The following NLRC5 variants were observed in gnomAD, a reference collection of about 807,000 sequenced individuals.
NLRC5 encodes NLR family CARD domain containing 5.
In NLRC5, 114 loss-of-function variants were observed where a neutral mutation model predicts 206.9. The ratio of observed to expected loss-of-function variants is 0.55; its 90% confidence interval spans 0.47 to 0.64. NLRC5 has a LOEUF of 0.64. NLRC5 is among the 30% of genes least tolerant of loss of function. The probability of loss-of-function intolerance (pLI) is 0.00; values close to 1 mark genes in which losing one functional copy is unlikely to be tolerated. For missense variants in NLRC5, 2,008 were observed against 2,305.5 expected (o/e 0.87, Z 2.64); for synonymous variants, 952 against 962.8 (o/e 0.99, Z 0.21).
intron 8 of NLRC5, 135 bp from the exon 9 acceptor site, chr16:57,029,638 G>C: frequency 4.3e-6 from 3 of 693,258 alleles, no homozygotes; most frequent in Non-Finnish European, 5.1e-6. Context: ...GGAATCCGGC[G>C]AGCAGGCCAT....
chr16:57,065,223 C>A lies in NLRC5; in HGVS notation c.4166C>A (p.Pro1389Gln), dbSNP rs145136372. Residue 1389 changes from proline to glutamine, a missense_variant, in exon 33 of 49, where the codon CCG becomes CAG. Pro to Gln is a moderately conservative substitution (Grantham distance 76). Transcript: ENST00000688547. ...CCCTTCTGTGACAGGGTGCAGGAGCCGTGGGCGGACAGAGCCAGGGTTCTC... is the reference window on the plus strand; with the variant it reads ...CCCTTCTGTGACAGGGTGCAGGAGCAGTGGGCGGACAGAGCCAGGGTTCTC... ...AGLFSLRVQE[P>Q]WADRARVLSL... is the part of the protein sequence containing the mutation. 1.3e-6 allele frequency: 2 copies of A among 1,559,014 alleles called. No individual in the cohort carries two copies. The highest frequency in any genetic ancestry group is 2.8e-5 in the African/African-American group (2 of 72,534).
intron 6 of NLRC5, 45 bp downstream of exon 6, chr16:57,027,063 G>C (rs369093073): frequency 1.9e-6 from 3 of 1,577,470 alleles, no homozygotes; most frequent in South Asian, 1.2e-5. Flanking sequence ...TGGGCTTTTG[G>C]GGGAGCAGAG....
Position 57,034,328 on chromosome 16 carries a change from T to C in NLRC5, c.2627+77T>C, listed in dbSNP as rs2062245307. The C allele has an allele frequency of 1.4e-5, 10 of 697,834 alleles. No homozygotes were observed. In the South Asian group the frequency reaches 1.5e-4, roughly 10 times the overall value. 43.2% of individuals were successfully genotyped at this position (697,834 alleles called of 1,614,324 possible). A position where few individuals can be genotyped will look rare whatever the true frequency, so the allele number is the denominator to read the frequency against. ...GGGTGGGCAGGGCCTCGCCTTTGGG[T>C]GGGTGGTGTGGGGGAGGGGCATGCT... On this transcript the variant is annotated intron_variant, in intron 13 of 48. Coordinates refer to ENST00000688547, the MANE Select transcript of NLRC5 (RefSeq NM_001384950.1).
chr16:57,015,591 AAAATAAATAAATAAAT>A (rs202245287), intron 1 of NLRC5, among the ~76,000 whole-genome samples: 11 of 138,400 alleles, frequency 7.9e-5, no homozygotes, highest in South Asian at 7.0e-4. Context: ...GTCTCTTAAA[AAAATAAATAAATAAAT>A]AAATAAATAA....
chr16:57,081,216 A>C, intron 47 of NLRC5, 35 bp downstream of exon 47: 1 of 1,527,468 alleles, frequency 6.5e-7, no homozygotes. Flanking sequence ...GGACGGGCTA[A>C]AGGGGGACCT....
At chr16:57,021,309 G>T (rs1429790854) in intron 3 of NLRC5, among the ~76,000 whole-genome samples, 1 of 151,942 alleles carries the variant, frequency 6.6e-6, no homozygotes, top group Non-Finnish European at 1.5e-5. Flanking sequence ...CTTTTTTGGC[G>T]GGGGTGGGGG....
intron 2 of NLRC5, among the ~76,000 whole-genome samples, chr16:57,017,406 T>C (rs2060204809): frequency 6.6e-6 from 1 of 152,214 alleles, no homozygotes; most frequent in Admixed American, 6.5e-5. Context: ...CTACCCATTT[T>C]AGAGATGGTA....
chr16:57,081,194 G>A lies in NLRC5; in HGVS notation c.5405+13G>A, dbSNP rs779280243. On this transcript the variant is annotated intron_variant, in intron 47 of 48. Transcript: ENST00000688547. Reference sequence around the variant, plus strand: ...TGAAGAGAGTGGAGTATGAGGGGCCGGGGGAGGAATGGGACGGGCTAAAGG... The same window carrying A: ...TGAAGAGAGTGGAGTATGAGGGGCCAGGGGAGGAATGGGACGGGCTAAAGG... The A allele has an allele frequency of 1.0e-5, 16 of 1,538,216 alleles. No individual in the cohort carries two copies. The highest frequency in any genetic ancestry group is 2.0e-5 in the Admixed American group (1 of 51,016).
chr16:57,044,145 CAA>C (rs61317543), intron 20 of NLRC5, among the ~76,000 whole-genome samples: 8 of 128,610 alleles, frequency 6.2e-5, no homozygotes, highest in East Asian at 2.2e-4. Flanking sequence ...CTAAAAATAC[CAA>C]AAAAAAAAAA....
At chr16:57,012,099 T>C (rs2059567863) in intron 1 of NLRC5, among the ~76,000 whole-genome samples, 1 of 152,248 alleles carries the variant, frequency 6.6e-6, no homozygotes, top group Non-Finnish European at 1.5e-5. Context: ...ACTTGCTGTT[T>C]CAATAGATTT....
intron 37 of NLRC5, 138 bp from the exon 38 acceptor site, chr16:57,070,397 C>A: frequency 1.5e-6 from 1 of 683,942 alleles, no homozygotes; most frequent in Non-Finnish European, 2.6e-6. Context: ...GGAACCTGGA[C>A]AGCGAGGGTG....
At chr16:57,058,906 G>A in intron 28 of NLRC5, 66 bp from the exon 29 acceptor site, 3 of 1,315,284 alleles carry the variant, frequency 2.3e-6, no homozygotes, top group South Asian at 1.2e-5. Context: ...GGAGATGGAG[G>A]GGGCTGGGCA....
rs371872443 is a variant in NLRC5 at position 57,059,267 on chromosome 16, G to A, written c.3921-200G>A. The stretch of plus-strand genomic sequence containing the variant: ...GATGCCCGGGTGCCATGGGGACCAT[G>A]GAGGCCATGGGGTGGGAAGGCCAGG... On this transcript the variant is annotated intron_variant, in intron 29 of 48. Transcript: ENST00000688547. The A allele has an allele frequency of 1.5e-5, 22 of 1,466,624 alleles. No individual in the cohort carries two copies. In the African/African-American group the frequency reaches 2.8e-4, roughly 19 times the overall value. 90.9% of individuals were successfully genotyped at this position (1,466,624 alleles called of 1,614,324 possible). A position where few individuals can be genotyped will look rare whatever the true frequency, so the allele number is the denominator to read the frequency against.
intron 23 of NLRC5, among the ~76,000 whole-genome samples, chr16:57,050,810 A>G (rs571750286): frequency 1.3e-5 from 2 of 152,230 alleles, no homozygotes; most frequent in South Asian, 4.2e-4. Context: ...CTGAATTTCC[A>G]CTGTCATATC....
At chr16:57,011,063 C>G (rs1422344412) in intron 1 of NLRC5, among the ~76,000 whole-genome samples, 1 of 152,132 alleles carries the variant, frequency 6.6e-6, no homozygotes, top group African/African-American at 2.4e-5. Flanking sequence ...GAGTTGGTCT[C>G]TATGTATGCA....
chr16:57,077,815 C>T lies in NLRC5; in HGVS notation c.5003+13C>T. ...TGGAGGAGTTGATGTGAGTGTCTGCCCAGGTGGCCTCTGCCCTCTGTGCCC... is the reference window on the plus strand; with the variant it reads ...TGGAGGAGTTGATGTGAGTGTCTGCTCAGGTGGCCTCTGCCCTCTGTGCCC... On this transcript the variant is annotated intron_variant, in intron 42 of 48. Coordinates refer to ENST00000688547, the MANE Select transcript of NLRC5 (RefSeq NM_001384950.1). The T allele has an allele frequency of 6.3e-7, 1 of 1,594,272 alleles. No individual in the cohort carries two copies. Among genetic ancestry groups the T allele is most frequent in the Non-Finnish European group, 8.6e-7 (1 of 1,168,584 alleles).
At chr16:57,066,415 G>A in intron 33 of NLRC5, 119 bp from the exon 34 acceptor site, 2 of 797,074 alleles carry the variant, frequency 2.5e-6, no homozygotes, top group Non-Finnish European at 4.3e-6. Context: ...GTCCCTGGCA[G>A]GGGAGAAGGG....
chr16:56,993,016 C>G (rs867196299), intron 1 of NLRC5, among the ~76,000 whole-genome samples: 2 of 148,538 alleles, frequency 1.3e-5, no homozygotes, highest in Non-Finnish European at 3.0e-5. Context: ...TTGCCCTCCC[C>G]GAAGACAACC....
intron 1 of NLRC5, among the ~76,000 whole-genome samples, chr16:57,002,649 T>G (rs1219635743): frequency 1.4e-5 from 2 of 145,790 alleles, no homozygotes; most frequent in Non-Finnish European, 3.0e-5. Context: ...TTTTTTGTTT[T>G]TTTTTTTTTT....
Sources: allele counts gnomAD v4.1 joint callset (sites outside exome capture counted in the v4.1 genomes callset), GRCh38; gene constraint gnomAD v4.1.1; transcripts MANE v1.5; gene names NCBI Gene and HGNC (gene_info 2026-07-23, HGNC 2026-07-21).